CCDC33: variants seen among roughly 807,000 people sequenced by gnomAD.
The protein encoded by CCDC33 is coiled-coil domain containing 33.
In CCDC33, 94 loss-of-function variants were observed where a neutral mutation model predicts 91.9. That is an observed-to-expected ratio of 1.02 (90% CI 0.87 to 1.21). CCDC33 has a LOEUF of 1.21. Among genes scored for constraint, CCDC33 ranks in the 50% most tolerant of loss-of-function variants. The pLI, the probability that CCDC33 is intolerant of heterozygous loss-of-function variation, is 0.00. For synonymous variants in CCDC33, 396 were observed against 374.5 expected (o/e 1.06, Z -0.66); for missense variants, 940 against 935.5 (o/e 1.00, Z -0.06).
intron 2 of CCDC33, among the ~76,000 whole-genome samples, chr15:74,258,063 C>A (rs764963061): frequency 2.0e-5 from 3 of 152,228 alleles, no homozygotes; most frequent in Non-Finnish European, 4.4e-5. Flanking sequence ...AGCTGGCCTG[C>A]AGGACTGCCA....
intron 5 of CCDC33, among the ~76,000 whole-genome samples, chr15:74,269,783 C>A (rs535129556): frequency 6.6e-6 from 1 of 152,082 alleles, no homozygotes; most frequent in African/African-American, 2.4e-5. Context: ...TCCATCCGTG[C>A]GACAGGTATG....
chr15:74,323,879 C>T (rs2060254537), intron 11 of CCDC33, among the ~76,000 whole-genome samples: 1 of 151,196 alleles, frequency 6.6e-6, no homozygotes, highest in African/African-American at 2.4e-5. Context: ...ATCATGAGGT[C>T]AGGAGTTCGA....
At chr15:74,241,203 G>T (rs1276597546) in intron 1 of CCDC33, among the ~76,000 whole-genome samples, 1 of 152,160 alleles carries the variant, frequency 6.6e-6, no homozygotes, top group African/African-American at 2.4e-5. Flanking sequence ...GGAAGAGGGT[G>T]GGGGTGGCCT....
chr15:74,225,117 CGTGTGTGTGTGTGTGTGTGTGT>C (rs3057568), intron 2 of CCDC33, among the ~76,000 whole-genome samples: 1 of 139,832 alleles, frequency 7.2e-6, no homozygotes. Flanking sequence ...CTCCTGGAGG[CGTGTGTGTGTGTGTGTGTGTGT>C]GTGTGTGTGT....
chr15:74,251,053 T>C (rs2075692874), intron 2 of CCDC33, among the ~76,000 whole-genome samples: 2 of 152,350 alleles, frequency 1.3e-5, no homozygotes, highest in South Asian at 2.1e-4. Context: ...TGACTCCCTG[T>C]ATGAACTCAG....
chr15:74,257,582 G>T (rs771284316), intron 2 of CCDC33, among the ~76,000 whole-genome samples: 5 of 152,184 alleles, frequency 3.3e-5, no homozygotes, highest in Admixed American at 1.3e-4. Flanking sequence ...CCTTGAGAGG[G>T]ACTCGGGGGA....
At chr15:74,209,445 G>A (rs917001577) in exon 2 of CCDC33, 26 of 1,535,298 alleles carry the variant, frequency 1.7e-5, no homozygotes, top group East Asian at 7.3e-5. Flanking sequence ...CTTAATAACC[G>A]GATCTGCATC....
At chr15:74,232,614 G>A (rs1439395121), upstream of CCDC33, among the ~76,000 whole-genome samples, 1 of 152,202 alleles carries the variant, frequency 6.6e-6, no homozygotes, top group Non-Finnish European at 1.5e-5. Context: ...GATGAGGTGG[G>A]AAATGTAGGC....
At chr15:74,322,449 G>A (rs2060226061) in intron 11 of CCDC33, among the ~76,000 whole-genome samples, 1 of 152,202 alleles carries the variant, frequency 6.6e-6, no homozygotes, top group African/African-American at 2.4e-5. Flanking sequence ...CCAAGCCCCT[G>A]TCCTCACCAC....
chr15:74,335,308 T>G, intron 18 of CCDC33: 1 of 616,166 alleles, frequency 1.6e-6, no homozygotes, highest in South Asian at 1.9e-5. Context: ...CTGCCAAAAC[T>G]ACCCTTTCCC....
At position 74,244,027 on chromosome 15, in the gene CCDC33, A is replaced by G. The variant is rs1424443692; in HGVS notation, c.64A>G (p.Thr22Ala). 19 of 1,612,240 alleles carry G rather than the reference A, an allele frequency of 1.2e-5. No homozygotes were observed. Among genetic ancestry groups the G allele is most frequent in the Non-Finnish European group, 1.6e-5 (19 of 1,179,542 alleles). The change falls in exon 2 of 19, where the codon ACG (threonine) becomes GCG (alanine). Residue 22 changes from threonine (T) to alanine (A), a missense_variant. Coordinates refer to ENST00000398814, the MANE Select transcript of CCDC33 (RefSeq NM_025055.5). This position sits in a 1 kb window ranked among gnomAD's most constrained non-coding sequence, Gnocchi z 4.2. ...GGAGCCCCTGATCGCCTCCCAGAGC[A>G]CGGAACCTGAGATCGGTCACCTGTC... ...PEEPLIASQS[T>A]EPEIGHLSPS...
chr15:74,217,651 C>T, intron 1 of CCDC33: 1 of 1,106,970 alleles, frequency 9.0e-7, no homozygotes, highest in Non-Finnish European at 1.1e-6. Flanking sequence ...CTTTCTGGGA[C>T]CCCAGAGAGC....
At chr15:74,261,850 G>C (rs1377716567) in intron 2 of CCDC33, among the ~76,000 whole-genome samples, 1 of 152,194 alleles carries the variant, frequency 6.6e-6, no homozygotes, top group Admixed American at 6.5e-5. Context: ...CCAGCTCCAG[G>C]TTTCCAGCTC....
upstream of CCDC33, among the ~76,000 whole-genome samples, chr15:74,231,926 A>C: frequency 6.6e-6 from 1 of 152,188 alleles, no homozygotes; most frequent in Non-Finnish European, 1.5e-5. Flanking sequence ...AGGCAGGAGA[A>C]TCACTTGAAC....
intron 7 of CCDC33, among the ~76,000 whole-genome samples, chr15:74,278,957 A>G (rs1275182092): frequency 6.6e-6 from 1 of 152,196 alleles, no homozygotes; most frequent in Non-Finnish European, 1.5e-5. Context: ...TGGCCTCTGC[A>G]AGGGGCTGGG....
chr15:74,219,242 C>T (rs2074526175), intron 2 of CCDC33, among the ~76,000 whole-genome samples: 1 of 152,224 alleles, frequency 6.6e-6, no homozygotes, highest in Non-Finnish European at 1.5e-5. Context: ...ATCTAGCATC[C>T]ACCCTGACCA....
chr15:74,289,485 G>A (rs2059544816), intron 10 of CCDC33, among the ~76,000 whole-genome samples: 1 of 152,194 alleles, frequency 6.6e-6, no homozygotes, highest in African/African-American at 2.4e-5. Flanking sequence ...AGGCCAAGGT[G>A]GACAGATCAC....
Position 74,266,813 on chromosome 15 carries a change from C to T in CCDC33, c.429+26C>T, listed in dbSNP as rs201082123. On this transcript the variant is annotated intron_variant, in intron 4 of 18. Transcript: ENST00000398814. The stretch of plus-strand genomic sequence containing the variant: ...GTGAGTCAGAGGCCTGGGGAAGTGC[C>T]GGGAGAGCAGGTGGGAACCACCTTG... The T allele has an allele frequency of 8.0e-4, 1,253 of 1,563,736 alleles. 1 individual carries two copies. The highest frequency in any genetic ancestry group is 7.7e-4 in the Non-Finnish European group (876 of 1,134,438).
chr15:74,305,536 A>T (rs747347397), intron 11 of CCDC33, among the ~76,000 whole-genome samples: 1 of 152,140 alleles, frequency 6.6e-6, no homozygotes, highest in Non-Finnish European at 1.5e-5. Context: ...AGGGGGAAGT[A>T]CTCAAACCCC....
Sources: gnomAD v4.1 joint callset for allele counts (sites outside exome capture counted in the v4.1 genomes callset) on GRCh38, gnomAD v4.1.1 for gene constraint, Gnocchi (gnomAD v3.1) non-coding constraint, MANE v1.5 for transcripts, NCBI Gene and HGNC (gene_info 2026-07-23, HGNC 2026-07-21) for gene names.